Variants in FGF14 observed in about 807,000 individuals in gnomAD.
FGF14 encodes fibroblast growth factor homologous factor 4.
Under a neutral mutation model 25.5 loss-of-function variants are expected in FGF14, and 5 were observed. That is an observed-to-expected ratio of 0.20 (90% CI 0.10 to 0.41). The LOEUF (loss-of-function observed/expected upper bound fraction) is 0.41. Ranked by LOEUF, FGF14 falls within the 10% of genes least tolerant of loss-of-function variation. The pLI is 1.00. For synonymous variants in FGF14, 138 were observed against 118.3 expected (o/e 1.17, Z -1.08); for missense variants, 222 against 320.1 (o/e 0.69, Z 2.34).
At chr13:101,876,394 C>G (rs1422712732) in intron 1 of FGF14, among the ~76,000 whole-genome samples, 2 of 152,080 alleles carry the variant, frequency 1.3e-5, no homozygotes, top group Non-Finnish European at 2.9e-5. Context: ...AAACCTAGCA[C>G]CTTATAATCA....
Position 101,724,597 on chromosome 13 carries a change from A to AATATATATATATATAT in FGF14, c.608-1646_608-1631dup, listed in dbSNP as rs201033233. Among the ~76,000 whole-genome samples the AATATATATATATATAT allele has an allele frequency of 6.2e-3, 749 of 121,002 alleles. 3 individuals carry two copies. The highest frequency in any genetic ancestry group is 9.4e-3 in the South Asian group (33 of 3,528). 79.4% of individuals were successfully genotyped at this position (121,002 alleles called of 152,430 possible). On this transcript the variant is annotated intron_variant, in intron 4 of 4. Coordinates refer to ENST00000376143, the MANE Select transcript of FGF14 (RefSeq NM_004115.4). ...CCTAGAACTTAAAGTATAATAATAA[A>AATATATATATATATAT]ATATATATATATATATATATATATA... is the stretch of plus-strand genomic sequence containing the variant.
At chr13:102,349,057 G>A (rs186790603) in intron 1 of FGF14, among the ~76,000 whole-genome samples, 2 of 152,252 alleles carry the variant, frequency 1.3e-5, no homozygotes, top group Non-Finnish European at 2.9e-5. Flanking sequence ...AAAACTGTGA[G>A]AGTGGGGTAA....
intron 1 of FGF14, among the ~76,000 whole-genome samples, chr13:101,937,896 C>A (rs914102135): frequency 3.3e-5 from 5 of 152,144 alleles, no homozygotes; most frequent in Admixed American, 6.6e-5. Flanking sequence ...CCGTGCCCAG[C>A]CCATTTCTGT....
chr13:101,831,555 G>A (rs1264622275), intron 3 of FGF14, among the ~76,000 whole-genome samples: 4 of 152,088 alleles, frequency 2.6e-5, no homozygotes, highest in African/African-American at 7.2e-5. Flanking sequence ...CTCTGAGACC[G>A]AATTGCAATC....
intron 1 of FGF14, among the ~76,000 whole-genome samples, chr13:102,370,008 T>C (rs1344833328): frequency 6.6e-6 from 1 of 152,170 alleles, no homozygotes; most frequent in Non-Finnish European, 1.5e-5. Context: ...TTTTTTTTTT[T>C]TGAGACAAGG....
At chr13:102,080,004 G>T (rs1406355881) in intron 1 of FGF14, among the ~76,000 whole-genome samples, 1 of 152,134 alleles carries the variant, frequency 6.6e-6, no homozygotes, top group Admixed American at 6.5e-5. Context: ...TGAGCAAGAG[G>T]AAGAAGCTGG....
chr13:101,783,582 T>C (rs2039640390), intron 3 of FGF14, among the ~76,000 whole-genome samples: 1 of 152,134 alleles, frequency 6.6e-6, no homozygotes, highest in Non-Finnish European at 1.5e-5. Flanking sequence ...AGACCTCTGT[T>C]GAATGTATAG....
intron 1 of FGF14, among the ~76,000 whole-genome samples, chr13:102,224,527 C>G (rs72647428): frequency 0.2 from 30,205 of 151,466 alleles, 3,400 homozygotes; most frequent in Non-Finnish European, 0.26. Context: ...TGTCCTAGGA[C>G]AAAAAGAGGG....
intron 1 of FGF14, among the ~76,000 whole-genome samples, chr13:102,116,590 T>G (rs1432272659): frequency 1.3e-5 from 2 of 152,258 alleles, no homozygotes; most frequent in South Asian, 2.1e-4. Context: ...CTTGTATGAT[T>G]TGATTTATGT....
chr13:102,104,217 ATAACAG>A (rs2044796514), intron 1 of FGF14, among the ~76,000 whole-genome samples: 1 of 152,206 alleles, frequency 6.6e-6, no homozygotes, highest in Non-Finnish European at 1.5e-5. Context: ...TTTGATAACA[ATAACAG>A]TAATAGCAAC....
chr13:102,192,705 C>G (rs147550120), intron 1 of FGF14, among the ~76,000 whole-genome samples: 1 of 152,106 alleles, frequency 6.6e-6, no homozygotes, highest in Admixed American at 6.6e-5. Context: ...ATCAATTTCA[C>G]AAAACACTAG....
intron 1 of FGF14, among the ~76,000 whole-genome samples, chr13:102,323,760 T>C (rs994738384): frequency 6.6e-6 from 1 of 152,184 alleles, no homozygotes; most frequent in African/African-American, 2.4e-5. Flanking sequence ...GTTAACCTCC[T>C]AGTAGCAATA....
At chr13:102,362,774 T>C (rs2057603303) in intron 1 of FGF14, among the ~76,000 whole-genome samples, 1 of 151,814 alleles carries the variant, frequency 6.6e-6, no homozygotes, top group Admixed American at 6.6e-5. Flanking sequence ...GAATTTTATT[T>C]TGGTATTCAT....
chr13:102,013,892 G>A (rs1456705886), intron 1 of FGF14, among the ~76,000 whole-genome samples: 1 of 152,106 alleles, frequency 6.6e-6, no homozygotes. Flanking sequence ...CTTGCAAGAG[G>A]CATAATCAGG....
At chr13:101,946,360 C>T (rs1487507132) in intron 1 of FGF14, among the ~76,000 whole-genome samples, 1 of 114,188 alleles carries the variant, frequency 8.8e-6, no homozygotes, top group Non-Finnish European at 1.6e-5. Flanking sequence ...GCTGCTTCTC[C>T]ATCAAAAAAA....
chr13:102,165,575 A>G (rs1185228162), intron 1 of FGF14, among the ~76,000 whole-genome samples: 1 of 149,492 alleles, frequency 6.7e-6, no homozygotes, highest in Non-Finnish European at 1.5e-5. Context: ...ACAAAAAACC[A>G]AACACCACGA....
intron 1 of FGF14, among the ~76,000 whole-genome samples, chr13:101,885,992 T>C (rs2045970633): frequency 6.6e-6 from 1 of 152,176 alleles, no homozygotes. Context: ...AGGTTAATGC[T>C]TCAGGACATG....
chr13:102,284,794 T>C (rs2054012905), intron 1 of FGF14, among the ~76,000 whole-genome samples: 1 of 152,148 alleles, frequency 6.6e-6, no homozygotes, highest in Admixed American at 6.5e-5. Context: ...TTAAATGGTA[T>C]TTTTTACCGA....
chr13:101,838,335 CT>C (rs1165012146), intron 3 of FGF14, among the ~76,000 whole-genome samples: 1 of 151,952 alleles, frequency 6.6e-6, no homozygotes, highest in Non-Finnish European at 1.5e-5. Context: ...TGTTATTCCC[CT>C]AAGAGGTGAC....
Sources: gnomAD v4.1 joint callset for allele counts (sites outside exome capture counted in the v4.1 genomes callset) on GRCh38, gnomAD v4.1.1 for gene constraint, MANE v1.5 for transcripts, NCBI Gene and HGNC (gene_info 2026-07-23, HGNC 2026-07-21) for gene names.